Variants in GABBR2 observed in about 807,000 individuals in gnomAD.
The protein encoded by GABBR2 is gamma-aminobutyric acid type B receptor subunit 2.
A neutral mutation model predicts 105.6 loss-of-function variants in GABBR2; 23 were observed. That is an observed-to-expected ratio of 0.22 (90% CI 0.16 to 0.31). The LOEUF (loss-of-function observed/expected upper bound fraction) is 0.31. Ranked by LOEUF, GABBR2 falls within the 10% of genes least tolerant of loss-of-function variation. The pLI is 1.00. For synonymous variants in GABBR2, 478 were observed against 499.7 expected (o/e 0.96, Z 0.58); for missense variants, 734 against 1,245.5 (o/e 0.59, Z 6.18).
intron 7 of GABBR2, among the ~76,000 whole-genome samples, chr9:98,440,520 C>T (rs1826013525): frequency 6.6e-6 from 1 of 152,158 alleles, no homozygotes; most frequent in Non-Finnish European, 1.5e-5. Context: ...TTCCCCCCTT[C>T]TACAATTTAC....
chr9:98,553,645 T>C (rs1828531510), intron 2 of GABBR2, among the ~76,000 whole-genome samples: 1 of 152,142 alleles, frequency 6.6e-6, no homozygotes, highest in Non-Finnish European at 1.5e-5. Flanking sequence ...TATTTTGACT[T>C]CTTGAAATTA....
chr9:98,300,214 A>T (rs992041239), intron 16 of GABBR2, among the ~76,000 whole-genome samples: 2 of 152,116 alleles, frequency 1.3e-5, no homozygotes, highest in Non-Finnish European at 2.9e-5. Flanking sequence ...GAGGACAGAC[A>T]TGCAGGGCTC....
intron 17 of GABBR2, among the ~76,000 whole-genome samples, chr9:98,296,976 T>G (rs1441386720): frequency 6.6e-6 from 1 of 152,150 alleles, no homozygotes; most frequent in Non-Finnish European, 1.5e-5. Context: ...AGATTATTTT[T>G]TAAAAATTTT....
intron 11 of GABBR2, among the ~76,000 whole-genome samples, chr9:98,373,227 C>T (rs949615711): frequency 6.6e-6 from 1 of 152,158 alleles, no homozygotes; most frequent in Non-Finnish European, 1.5e-5. Context: ...TTCACTCATT[C>T]GTTTGTTTGT....
rs748550738 is a variant in GABBR2 at position 98,394,215 on chromosome 9, G to A, written c.1338C>T (p.Ala446=). Residue 446 remains alanine (A), a synonymous_variant, in exon 9 of 19, where the codon GCC becomes GCT. Transcript: ENST00000259455. ...EVKVGEYNAV[A]DTLEIINDTI... ...TGTCATTGATGATCTCCAGTGTGTCGGCCACAGCGTTGTACTCTCCCACCT... is the reference window on the plus strand; with the variant it reads ...TGTCATTGATGATCTCCAGTGTGTCAGCCACAGCGTTGTACTCTCCCACCT... The A allele has an allele frequency of 2.3e-5, 37 of 1,613,790 alleles. No homozygotes were observed. Among genetic ancestry groups the A allele is most frequent in the East Asian group, 1.8e-4 (8 of 44,888 alleles).
At chr9:98,633,598 T>C (rs1309301861) in intron 1 of GABBR2, among the ~76,000 whole-genome samples, 12 of 134,266 alleles carry the variant, frequency 8.9e-5, no homozygotes, top group African/African-American at 3.2e-4. Context: ...CACTCCAGCC[T>C]GGGCAACAAG....
At chr9:98,609,461 C>T (rs1452158567) in intron 1 of GABBR2, among the ~76,000 whole-genome samples, 5 of 152,282 alleles carry the variant, frequency 3.3e-5, no homozygotes, top group Non-Finnish European at 5.9e-5. Flanking sequence ...TTCAAGTGAA[C>T]GTCGGGGAGG....
At chr9:98,630,672 A>T (rs1829804156) in intron 1 of GABBR2, among the ~76,000 whole-genome samples, 1 of 152,206 alleles carries the variant, frequency 6.6e-6, no homozygotes. Context: ...CTAGGAATTG[A>T]GAAACTAAAT....
intron 13 of GABBR2, among the ~76,000 whole-genome samples, chr9:98,320,240 C>T (rs1830795531): frequency 6.6e-6 from 1 of 151,880 alleles, no homozygotes; most frequent in Admixed American, 6.6e-5. Flanking sequence ...CTCACCATCA[C>T]TGGCCATCAG....
At chr9:98,390,716 A>C (rs536641809) in intron 9 of GABBR2, among the ~76,000 whole-genome samples, 21 of 152,224 alleles carry the variant, frequency 1.4e-4, no homozygotes, top group Admixed American at 1.4e-3. Flanking sequence ...CTGGCTACCA[A>C]ATGCAAGAAC....
At chr9:98,673,849 C>T (rs6478811) in intron 1 of GABBR2, among the ~76,000 whole-genome samples, 107,465 of 152,012 alleles carry the variant, frequency 0.71, 38,960 homozygotes, top group Middle Eastern at 0.84. Flanking sequence ...TCACTGCTAA[C>T]ACTTCAGCTG....
At chr9:98,663,969 A>G (rs1830301965) in intron 1 of GABBR2, among the ~76,000 whole-genome samples, 1 of 152,204 alleles carries the variant, frequency 6.6e-6, no homozygotes. Context: ...ATAGAATTAT[A>G]CTAGGGATAG....
At chr9:98,407,289 C>A (rs1331554059) in intron 7 of GABBR2, among the ~76,000 whole-genome samples, 1 of 152,168 alleles carries the variant, frequency 6.6e-6, no homozygotes, top group African/African-American at 2.4e-5. Context: ...TTTCCTTAGG[C>A]AGAAACCTAA....
chr9:98,535,868 G>C (rs781362816), intron 3 of GABBR2, among the ~76,000 whole-genome samples: 1 of 152,146 alleles, frequency 6.6e-6, no homozygotes, highest in Non-Finnish European at 1.5e-5. Context: ...GGACTTTTAG[G>C]GTGGTGAAAA....
At chr9:98,394,820 A>G (rs12352641) in intron 8 of GABBR2, among the ~76,000 whole-genome samples, 30,976 of 150,612 alleles carry the variant, frequency 0.21, 4,622 homozygotes, top group African/African-American at 0.44. Context: ...TGACCAGTGC[A>G]CTTTTGGCAT....
At chr9:98,543,640 T>G (rs758775744) in intron 2 of GABBR2, among the ~76,000 whole-genome samples, 3 of 152,240 alleles carry the variant, frequency 2.0e-5, no homozygotes, top group Non-Finnish European at 4.4e-5. Context: ...TGACTACAGG[T>G]GTGCTATCGC....
intron 8 of GABBR2, among the ~76,000 whole-genome samples, chr9:98,398,106 A>G (rs539060233): frequency 2.6e-5 from 4 of 152,224 alleles, no homozygotes; most frequent in South Asian, 2.1e-4. Context: ...TCTGTATCCA[A>G]TTTTATTTGG....
intron 2 of GABBR2, among the ~76,000 whole-genome samples, chr9:98,546,201 C>A (rs1480734954): frequency 6.6e-6 from 1 of 152,142 alleles, no homozygotes; most frequent in Non-Finnish European, 1.5e-5. Context: ...AATCTATAGT[C>A]ATAAGCTATA....
chr9:98,413,315 G>C (rs1024382496), intron 7 of GABBR2, among the ~76,000 whole-genome samples: 4 of 152,128 alleles, frequency 2.6e-5, no homozygotes, highest in Non-Finnish European at 5.9e-5. Context: ...TTGCATAAAG[G>C]GTGGAGATCT....
Sources: allele counts gnomAD v4.1 joint callset (sites outside exome capture counted in the v4.1 genomes callset), GRCh38; gene constraint gnomAD v4.1.1; transcripts MANE v1.5; gene names NCBI Gene and HGNC (gene_info 2026-07-23, HGNC 2026-07-21).